The following WDR27 variants were observed in gnomAD, a reference collection of about 807,000 sequenced individuals.
WDR27 encodes the protein WD repeat-containing protein 27.
WDR27 carries 100 observed loss-of-function variants against 114.4 expected under a neutral mutation model. The ratio of observed to expected loss-of-function variants is 0.87; its 90% CI spans 0.74 to 1.03. The LOEUF is 1.03. WDR27 is among the 50% of genes least tolerant of loss of function. WDR27 has a pLI of 0.00. For synonymous variants in WDR27, 449 were observed against 423.1 expected, an observed-to-expected ratio of 1.06 and a Z score of -0.75; for missense variants, 1,129 against 1,092.9, an observed-to-expected ratio of 1.03 and a Z score of -0.47.
rs984809637 is a variant in WDR27, at chr6:169,503,605, T to C, written c.2646-45971A>G. ...TTTTTTGGAAAGAAGATGAGAGAGTTTGACAAAACATATAAAAACTTAAAT... is the reference window on the plus strand; with the variant it reads ...TTTTTTGGAAAGAAGATGAGAGAGTCTGACAAAACATATAAAAACTTAAAT... On this transcript the variant is annotated intron_variant, in intron 25 of 25. Transcript: ENST00000448612. Among the ~76,000 whole-genome samples the C allele has an allele frequency of 3.3e-5, 5 of 152,264 alleles. No homozygotes were observed. The South Asian group carries it at 1.0e-3, about 32-fold the overall frequency.
chr6:169,460,274 G>A (rs1411588849), intron 25 of WDR27, among the ~76,000 whole-genome samples: 4 of 152,144 alleles, frequency 2.6e-5, no homozygotes, highest in Non-Finnish European at 5.9e-5. Context: ...ATGTAAAAAT[G>A]TAATTTTGTG....
intron 2 of WDR27, among the ~76,000 whole-genome samples, chr6:169,687,916 T>C (rs1362928052): frequency 1.3e-5 from 2 of 152,138 alleles, no homozygotes; most frequent in African/African-American, 4.8e-5. Context: ...TATGTATCCT[T>C]TACAACTCAG....
chr6:169,693,661 AC>A (rs1441726172), intron 1 of WDR27, among the ~76,000 whole-genome samples: 2 of 152,196 alleles, frequency 1.3e-5, no homozygotes, highest in Admixed American at 6.5e-5. Context: ...ACAAATGGAA[AC>A]AAAAAGCAAG....
intron 4 of WDR27, chr6:169,669,541 CACA>C (rs1303165917): frequency 1.3e-5 from 2 of 152,216 alleles, no homozygotes; most frequent in African/African-American, 4.8e-5. Flanking sequence ...CTTTTCCTGA[CACA>C]ACAATGTTAA....
At chr6:169,662,728 G>A (rs13197393) in intron 8 of WDR27, among the ~76,000 whole-genome samples, 34 of 120,240 alleles carry the variant, frequency 2.8e-4, no homozygotes, top group Admixed American at 4.6e-4. Flanking sequence ...CGTGTGCACC[G>A]CGGAGTACTC....
At chr6:169,679,077 G>A (rs972044026) in intron 2 of WDR27, among the ~76,000 whole-genome samples, 14 of 123,668 alleles carry the variant, frequency 1.1e-4, no homozygotes, top group Non-Finnish European at 2.3e-4. Flanking sequence ...TCAACCAACT[G>A]TCAACCAGAA....
chr6:169,653,931 C>G (rs1050375567), intron 13 of WDR27, among the ~76,000 whole-genome samples: 1 of 152,230 alleles, frequency 6.6e-6, no homozygotes, highest in African/African-American at 2.4e-5. Flanking sequence ...GCTGCTGGCC[C>G]TGCAGTCAGA....
In WDR27 at chr6:169,618,263, A is replaced by C. The variant is rs149511229; in HGVS notation, c.2224-4607T>G. 2.9e-3 allele frequency among the ~76,000 whole-genome samples: 437 copies of C among 152,342 alleles called. 3 individuals carry two copies. The highest frequency in any genetic ancestry group is 0.01 in the African/African-American group (421 of 41,578). Reference sequence around the variant, plus strand: ...GTTTAAACTTTTACACATTGTTTTTAATTAAAATTAGCTGTCTAGTATTAT... The same window carrying C: ...GTTTAAACTTTTACACATTGTTTTTCATTAAAATTAGCTGTCTAGTATTAT... On this transcript the variant is annotated intron_variant, in intron 21 of 25. Coordinates refer to ENST00000448612, the MANE Select transcript of WDR27 (RefSeq NM_182552.5).
intron 25 of WDR27, among the ~76,000 whole-genome samples, chr6:169,540,583 C>T (rs947215633): frequency 3.3e-5 from 5 of 152,088 alleles, no homozygotes; most frequent in African/African-American, 1.2e-4. Flanking sequence ...GCAGACGCCA[C>T]CATGCCCAGC....
intron 2 of WDR27, among the ~76,000 whole-genome samples, chr6:169,676,480 T>G (rs558448473): frequency 6.6e-6 from 1 of 152,202 alleles, no homozygotes; most frequent in African/African-American, 2.4e-5. Flanking sequence ...CGAAGCTGTC[T>G]CTTGTGGGGA....
At chr6:169,534,992 GA>G (rs1796051450) in intron 25 of WDR27, among the ~76,000 whole-genome samples, 1 of 151,338 alleles carries the variant, frequency 6.6e-6, no homozygotes, top group African/African-American at 2.4e-5. Flanking sequence ...AACTTGTCTA[GA>G]AAATAAAATA....
At chr6:169,453,151 C>T (rs1039154323), downstream of WDR27, among the ~76,000 whole-genome samples, 3 of 152,208 alleles carry the variant, frequency 2.0e-5, no homozygotes, top group African/African-American at 7.2e-5. Flanking sequence ...GACTATAGCA[C>T]AAACTATAAA....
the WDR27 span, among the ~76,000 whole-genome samples, chr6:169,440,017 T>C: frequency 6.6e-6 from 1 of 151,986 alleles, no homozygotes; most frequent in African/African-American, 2.4e-5. Context: ...GAAGATAAAA[T>C]CTGAAGCCTG....
chr6:169,681,568 AAACC>A (rs1224776250), intron 2 of WDR27, among the ~76,000 whole-genome samples: 7 of 152,194 alleles, frequency 4.6e-5, no homozygotes, highest in African/African-American at 1.7e-4. Context: ...CCTGAAAACA[AAACC>A]AACAGCCAAA....
chr6:169,532,871 G>T (rs1405532948), intron 25 of WDR27, among the ~76,000 whole-genome samples: 1 of 151,530 alleles, frequency 6.6e-6, no homozygotes, highest in Admixed American at 6.6e-5. Flanking sequence ...ACCTAGAAGG[G>T]GAATTATCCC....
intron 21 of WDR27, among the ~76,000 whole-genome samples, chr6:169,627,044 G>A (rs949731491): frequency 2.0e-5 from 3 of 152,144 alleles, no homozygotes; most frequent in South Asian, 2.1e-4. Flanking sequence ...AGGCCACAGC[G>A]GCTGTAACTC....
intron 25 of WDR27, among the ~76,000 whole-genome samples, chr6:169,520,836 G>C (rs1351992178): frequency 6.6e-6 from 1 of 151,456 alleles, no homozygotes; most frequent in African/African-American, 2.4e-5. Flanking sequence ...TACAGAAAGA[G>C]AAAAAAAGGA....
intron 22 of WDR27, among the ~76,000 whole-genome samples, chr6:169,609,958 C>T (rs1810123227): frequency 6.6e-6 from 1 of 152,220 alleles, no homozygotes; most frequent in Admixed American, 6.5e-5. Flanking sequence ...TCAAAGTCCA[C>T]AAATCTCTAG....
chr6:169,475,345 C>T (rs1490957038), intron 25 of WDR27, among the ~76,000 whole-genome samples: 3 of 152,212 alleles, frequency 2.0e-5, no homozygotes, highest in African/African-American at 4.8e-5. Flanking sequence ...GCCTCAGCCT[C>T]CCAAGTAGTG....
Sources: gnomAD v4.1 joint callset for allele counts (sites outside exome capture counted in the v4.1 genomes callset) on GRCh38, gnomAD v4.1.1 for gene constraint, MANE v1.5 for transcripts, NCBI Gene and HGNC (gene_info 2026-07-23, HGNC 2026-07-21) for gene names.